Variants in POFUT2 observed in about 807,000 individuals in gnomAD.
POFUT2 encodes the protein GDP-fucose protein O-fucosyltransferase 2.
Under a neutral mutation model 55.0 loss-of-function variants are expected in POFUT2, and 30 were observed. The ratio of observed to expected loss-of-function variants is 0.55; its 90% confidence interval spans 0.41 to 0.74. The LOEUF is 0.74. Among genes scored for constraint, POFUT2 ranks in the 30% least tolerant of loss-of-function variants. The pLI is 0.00. For synonymous variants in POFUT2, 267 were observed against 231.1 expected, an observed-to-expected ratio of 1.16 and a Z score of -1.41; for missense variants, 524 against 562.6, an observed-to-expected ratio of 0.93 and a Z score of 0.69.
At chr21:45,287,644 C>A in intron 1 of POFUT2, 97 bp downstream of exon 1, 1 of 1,141,676 alleles carries the variant, frequency 8.8e-7, no homozygotes. Flanking sequence ...GACCCCATCC[C>A]ATCTCCCTGG....
At chr21:45,268,198 C>T (rs1025531286) in intron 7 of POFUT2, among the ~76,000 whole-genome samples, 92 of 152,364 alleles carry the variant, frequency 6.0e-4, no homozygotes, top group African/African-American at 2.1e-3. Flanking sequence ...TTGGCCGGGC[C>T]GGTCTCCAGC....
At chr21:45,272,763 T>C (rs982007653) in intron 6 of POFUT2, among the ~76,000 whole-genome samples, 5 of 152,072 alleles carry the variant, frequency 3.3e-5, no homozygotes, top group South Asian at 2.1e-4. Context: ...CTCAAAACTA[T>C]ACAAACACAT....
In POFUT2 at chr21:45,285,634, C is replaced by G. The variant is rs1218658206; in HGVS notation, c.382+44G>C. On this transcript the variant is annotated intron_variant, in intron 2 of 8. Coordinates refer to ENST00000349485, the MANE Select transcript of POFUT2 (RefSeq NM_133635.6). This position sits in a 1 kb window ranked among gnomAD's most constrained non-coding sequence, Gnocchi z 4.9. ...CTACCTTAGAAATGACTGCCTGGCC[C>G]CAGTTAAGCAACCACGGCCTCCCAG... The G allele has an allele frequency of 6.2e-7, 1 of 1,611,794 alleles. No homozygotes were observed. The highest frequency in any genetic ancestry group is 1.1e-5 in the South Asian group (1 of 90,624).
chr21:45,266,119 G>A (rs930983654), intron 8 of POFUT2: 2 of 1,359,814 alleles, frequency 1.5e-6, no homozygotes, highest in African/African-American at 3.0e-5. Flanking sequence ...TGTATGGGCT[G>A]GTGGGGACAC....
chr21:45,266,284 G>T, intron 8 of POFUT2: 1 of 1,366,948 alleles, frequency 7.3e-7, no homozygotes, highest in South Asian at 1.1e-5. Context: ...CATGCACAGC[G>T]CTGTACACAG....
In POFUT2 at chr21:45,282,679, T is replaced by C; in HGVS notation, c.528-220A>G. The C allele has an allele frequency of 1.7e-6, 1 of 574,680 alleles. No individual in the cohort carries two copies. The highest frequency in any genetic ancestry group is 2.7e-5 in the Admixed American group (1 of 36,914). 35.6% of individuals were successfully genotyped at this position (574,680 alleles called of 1,614,324 possible). ...TGATGGACCACTGAGGCTTTCCCCA[T>C]GATAGGGGCTGGCGGGATGGCCGGG... On this transcript the variant is annotated intron_variant, in intron 3 of 8. Coordinates refer to ENST00000349485, the MANE Select transcript of POFUT2 (RefSeq NM_133635.6). This position sits in a 1 kb window ranked among gnomAD's most constrained non-coding sequence, Gnocchi z 4.6.
rs1040160563 is a variant in POFUT2 at position 45,277,348 on chromosome 21, C to T, written c.706-206G>A. The T allele has an allele frequency of 2.1e-5, 13 of 622,514 alleles. No homozygotes were observed. The highest frequency in any genetic ancestry group is 2.0e-4 in the African/African-American group (11 of 53,976). 38.6% of individuals were successfully genotyped at this position (622,514 alleles called of 1,614,324 possible). A position where few individuals can be genotyped will look rare whatever the true frequency, so the allele number is the denominator to read the frequency against. On this transcript the variant is annotated intron_variant, in intron 5 of 8. Transcript: ENST00000349485. This position sits in a 1 kb window ranked among gnomAD's most constrained non-coding sequence, Gnocchi z 6.9. ...TGCATGAAGCCAACGCAGGGCAAGC[C>T]GCCCACCCCTGCCGGCTCTGCCAGC...
At chr21:45,266,426 C>T (rs1356247006) in intron 8 of POFUT2, 1 of 1,190,732 alleles carries the variant, frequency 8.4e-7, no homozygotes, top group Non-Finnish European at 1.1e-6. Context: ...AGGGCAGCTT[C>T]AGTGAGCTGG....
At chr21:45,283,191 G>A (rs555173895) in intron 3 of POFUT2, among the ~76,000 whole-genome samples, 192 bp downstream of exon 3, 54 of 146,818 alleles carry the variant, frequency 3.7e-4, no homozygotes, top group African/African-American at 1.0e-3. Flanking sequence ...CGGGGGAGGC[G>A]GTTGCGGCCG....
At chr21:45,280,932 T>C (rs1346055188) in intron 4 of POFUT2, among the ~76,000 whole-genome samples, 1 of 152,196 alleles carries the variant, frequency 6.6e-6, no homozygotes, top group African/African-American at 2.4e-5. Context: ...TGGACAAAAG[T>C]TCTTGATTTT....
At chr21:45,273,082 A>T (rs536941851) in intron 6 of POFUT2, among the ~76,000 whole-genome samples, 15 of 152,330 alleles carry the variant, frequency 9.8e-5, no homozygotes, top group African/African-American at 3.6e-4. Context: ...AAAAAAATAC[A>T]AAAGTTAAAT....
rs2093168248 is a variant in POFUT2 at position 45,267,581 on chromosome 21, G to C, written c.1136+9C>G. On this transcript the variant is annotated intron_variant, in intron 8 of 8. Transcript: ENST00000349485. This position sits in a 1 kb window ranked among gnomAD's most constrained non-coding sequence, Gnocchi z 4.4. ...CCCGCTCTCGGCCGACAGTGACGTG[G>C]GCAGGCACCTGGCGTGTGCGCAGAT... The C allele has an allele frequency of 1.2e-6, 2 of 1,614,168 alleles. No homozygotes were observed. Among genetic ancestry groups the C allele is most frequent in the East Asian group, 4.5e-5 (2 of 44,878 alleles).
chr21:45,269,382 G>A (rs1202402448), intron 7 of POFUT2, among the ~76,000 whole-genome samples: 2 of 152,098 alleles, frequency 1.3e-5, no homozygotes, highest in Non-Finnish European at 2.9e-5. Flanking sequence ...GAAATCGGAT[G>A]GTTGCCGTGT....
At position 45,269,935 on chromosome 21, in the gene POFUT2, C is replaced by T. The variant is rs2093203719; in HGVS notation, c.916G>A (p.Val306Ile). Residue 306 changes from valine (V) to isoleucine (I), a missense_variant, in exon 7 of 9, where the codon GTA becomes ATA. By Grantham distance (29) the Val-to-Ile change is conservative. Around this residue, in one of 2 missense-constraint regions of POFUT2, gnomAD observed 250 missense variants for 318.2 expected, o/e 0.79. Coordinates refer to ENST00000349485, the MANE Select transcript of POFUT2 (RefSeq NM_133635.6). ...CTCACGGCCCCTTCCAGACTGGGTA[C>T]ATCCTGTCTGTGACCCCAGATGAAA... ...KDFIWGHRQDVPSLEGAVRKI... is the reference protein window; with the variant it reads ...KDFIWGHRQDIPSLEGAVRKI... 1 of 1,606,832 alleles carries T rather than the reference C, an allele frequency of 6.2e-7. No homozygotes were observed. Among genetic ancestry groups the T allele is most frequent in the Non-Finnish European group, 8.5e-7 (1 of 1,177,640 alleles).
intron 6 of POFUT2, among the ~76,000 whole-genome samples, chr21:45,272,056 A>G (rs142864849): frequency 6.6e-6 from 1 of 152,174 alleles, no homozygotes; most frequent in Non-Finnish European, 1.5e-5. Context: ...CTCACACCTC[A>G]ATACCAAAGT....
In POFUT2 at chr21:45,284,650, AC is replaced by A. The variant is rs765434864; in HGVS notation, c.382+1027del. 1.2e-4 allele frequency among the ~76,000 whole-genome samples: 18 copies of A among 152,146 alleles called. No homozygotes were observed. The highest frequency in any genetic ancestry group is 1.2e-4 in the Non-Finnish European group (8 of 68,028). On this transcript the variant is annotated intron_variant, in intron 2 of 8. Coordinates refer to ENST00000349485, the MANE Select transcript of POFUT2 (RefSeq NM_133635.6). This position sits in a 1 kb window ranked among gnomAD's most constrained non-coding sequence, Gnocchi z 5.8. ...GACCTGTCCGCTTCCCTGTCAGGAA[AC>A]CCACTGGTACCAAAGGGAGGTAAGG...
In POFUT2 at chr21:45,271,965, G is replaced by A. The variant is rs1390356327; in HGVS notation, c.832-1946C>T. Among the ~76,000 whole-genome samples the A allele has an allele frequency of 2.6e-5, 4 of 152,066 alleles. No individual in the cohort carries two copies. The East Asian group carries it at 7.7e-4, about 29-fold the overall frequency. ...ACCTTCTTAAAGCATAAATCTCACA[G>A]GGCATATAAAACAACGCAATGAAAA... On this transcript the variant is annotated intron_variant, in intron 6 of 8. Coordinates refer to ENST00000349485, the MANE Select transcript of POFUT2 (RefSeq NM_133635.6).
Position 45,282,822 on chromosome 21 carries a change from A to G in POFUT2, c.528-363T>C. ...AGCTCACCTGCCATGCTTTAGAGCC[A>G]GCTGCCCTGGCACTGGACACATGGA... On this transcript the variant is annotated intron_variant, in intron 3 of 8. Coordinates refer to ENST00000349485, the MANE Select transcript of POFUT2 (RefSeq NM_133635.6). This position sits in a 1 kb window ranked among gnomAD's most constrained non-coding sequence, Gnocchi z 4.6. 1 of 488,094 alleles carries G rather than the reference A, an allele frequency of 2.0e-6. No individual in the cohort carries two copies. The highest frequency in any genetic ancestry group is 1.5e-5 in the South Asian group (1 of 64,678). 30.2% of individuals were successfully genotyped at this position (488,094 alleles called of 1,614,324 possible).
chr21:45,278,572 A>G (rs939722720), intron 4 of POFUT2, among the ~76,000 whole-genome samples: 9 of 152,162 alleles, frequency 5.9e-5, no homozygotes, highest in Admixed American at 3.3e-4. Context: ...AGCTGCCTGG[A>G]AACAAATTCA....
Sources: allele counts gnomAD v4.1 joint callset (sites outside exome capture counted in the v4.1 genomes callset), GRCh38; gene constraint gnomAD v4.1.1; regional missense constraint gnomAD v4.1.1; non-coding constraint Gnocchi (gnomAD v3.1); transcripts MANE v1.5; gene names NCBI Gene and HGNC (gene_info 2026-07-23, HGNC 2026-07-21).